Variants in PCDH15 observed in about 807,000 individuals in gnomAD.
The protein encoded by PCDH15 is protocadherin related 15.
Under a neutral mutation model 178.5 loss-of-function variants are expected in PCDH15, and 129 were observed. The ratio of observed to expected loss-of-function variants is 0.72; its 90% CI spans 0.63 to 0.84. The LOEUF (loss-of-function observed/expected upper bound fraction) is 0.84. PCDH15 is among the 40% of genes least tolerant of loss of function. The pLI is 0.00. For missense variants in PCDH15, 2,230 were observed against 2,099.9 expected (o/e 1.06, Z -1.21); for synonymous variants, 800 against 732.0 (o/e 1.09, Z -1.50).
intron 21 of PCDH15, among the ~76,000 whole-genome samples, chr10:53,982,751 C>T (rs2090765679): frequency 6.6e-6 from 1 of 151,406 alleles, no homozygotes; most frequent in African/African-American, 2.4e-5. Flanking sequence ...AGCACACCAG[C>T]ATGGCACATG....
intron 2 of PCDH15, among the ~76,000 whole-genome samples, chr10:55,516,206 C>T (rs754822517): frequency 2.6e-5 from 4 of 151,938 alleles, no homozygotes; most frequent in Non-Finnish European, 5.9e-5. Flanking sequence ...CCCCCCCATA[C>T]CGTTCTCATG....
At chr10:53,945,100 T>A (rs2086421499) in intron 23 of PCDH15, among the ~76,000 whole-genome samples, 1 of 152,230 alleles carries the variant, frequency 6.6e-6, no homozygotes, top group Admixed American at 6.5e-5. Flanking sequence ...ATTTGCATTA[T>A]CCTTACCTTC....
intron 1 of PCDH15, among the ~76,000 whole-genome samples, chr10:55,230,628 C>G (rs748594522): frequency 4.6e-5 from 7 of 152,100 alleles, no homozygotes; most frequent in African/African-American, 1.7e-4. Context: ...GTATATGGAA[C>G]TTACAGAGAC....
At chr10:55,228,375 AG>A (rs1841114256) in intron 1 of PCDH15, among the ~76,000 whole-genome samples, 1 of 152,074 alleles carries the variant, frequency 6.6e-6, no homozygotes, top group African/African-American at 2.4e-5. Context: ...TGTGTGAGCT[AG>A]GAACCAGTAT....
At chr10:55,004,678 GA>G (rs1839880615) in intron 2 of PCDH15, among the ~76,000 whole-genome samples, 1 of 152,098 alleles carries the variant, frequency 6.6e-6, no homozygotes, top group Non-Finnish European at 1.5e-5. Flanking sequence ...CAGTTGAAGA[GA>G]TGGATTTGAG....
At chr10:54,513,050 AC>A (rs1270633852) in intron 3 of PCDH15, among the ~76,000 whole-genome samples, 1 of 152,002 alleles carries the variant, frequency 6.6e-6, no homozygotes, top group African/African-American at 2.4e-5. Flanking sequence ...TTATAAATTT[AC>A]CTGGTTATCT....
At position 54,690,212 on chromosome 10, in the gene PCDH15, A is replaced by C. The variant is rs1047088684; in HGVS notation, c.-28-25922T>G. ...GCTGGTGTTAACCTACTGCACTGCCAGTGTATAAAAATACAGCATATGCAA... is the reference window on the plus strand; with the variant it reads ...GCTGGTGTTAACCTACTGCACTGCCCGTGTATAAAAATACAGCATATGCAA... On this transcript the variant is annotated intron_variant, in intron 1 of 37. Transcript: ENST00000644397. Among the ~76,000 whole-genome samples, 36 of 152,134 alleles carry C rather than the reference A, an allele frequency of 2.4e-4. 1 individual carries two copies. The highest frequency in any genetic ancestry group is 2.6e-4 in the Admixed American group (4 of 15,264).
intron 2 of PCDH15, among the ~76,000 whole-genome samples, chr10:55,553,172 C>A (rs894645461): frequency 1.3e-5 from 2 of 149,868 alleles, no homozygotes; most frequent in Non-Finnish European, 3.0e-5. Flanking sequence ...CTTTCAGCAA[C>A]ATAATTTCAT....
In PCDH15 at chr10:55,093,505, G is replaced by A. The variant is rs950486285; in HGVS notation, c.-80+73071C>T. ...GAATTAGATCCCATTTGTCAATTTCGGCTTTTGTTGCCATTGCTTTTGGTG... is the reference window on the plus strand; with the variant it reads ...GAATTAGATCCCATTTGTCAATTTCAGCTTTTGTTGCCATTGCTTTTGGTG... On this transcript the variant is annotated intron_variant, in intron 2 of 5. Transcript: ENST00000458638. Among the ~76,000 whole-genome samples, 206 of 151,978 alleles carry A rather than the reference G, an allele frequency of 1.4e-3. 3 individuals carry two copies. The highest frequency in any genetic ancestry group is 4.4e-4 in the Non-Finnish European group (30 of 67,962).
intron 5 of PCDH15, among the ~76,000 whole-genome samples, chr10:54,352,498 G>T (rs1944336031): frequency 6.6e-6 from 1 of 152,104 alleles, no homozygotes; most frequent in Admixed American, 6.5e-5. Context: ...CAGGAAAAAT[G>T]GAGAATATCT....
intron 3 of PCDH15, among the ~76,000 whole-genome samples, chr10:54,850,313 T>G (rs1240718019): frequency 6.6e-6 from 1 of 152,156 alleles, no homozygotes; most frequent in Non-Finnish European, 1.5e-5. Flanking sequence ...CCATAGAATT[T>G]GTGGGAACAG....
chr10:54,489,216 C>A (rs974824695), intron 3 of PCDH15, among the ~76,000 whole-genome samples: 1 of 151,968 alleles, frequency 6.6e-6, no homozygotes, highest in Non-Finnish European at 1.5e-5. Context: ...CAAGCCATGA[C>A]CTTTTATTGT....
chr10:53,814,727 A>G (rs541290303), intron 35 of PCDH15, among the ~76,000 whole-genome samples: 1 of 152,250 alleles, frequency 6.6e-6, no homozygotes, highest in African/African-American at 2.4e-5. Context: ...GCACTTTGGG[A>G]GGCCGAGGTG....
rs762843783 is a variant in PCDH15, at chr10:54,757,338, A to AG, written c.-29+43586dup. Among the ~76,000 whole-genome samples the AG allele has an allele frequency of 1.2e-3, 31 of 26,144 alleles. 4 individuals carry two copies. The highest frequency in any genetic ancestry group is 6.4e-3 in the East Asian group (17 of 2,640). 17.2% of individuals were successfully genotyped at this position (26,144 alleles called of 152,430 possible). A position where few individuals can be genotyped will look rare whatever the true frequency, so the allele number is the denominator to read the frequency against. On this transcript the variant is annotated intron_variant, in intron 1 of 37. Transcript: ENST00000644397. The stretch of plus-strand genomic sequence containing the variant: ...CGCTCTGTCGCCCAGGCTGGAGCGC[A>AG]GTGGCGCGATCTCGACTCACTGCAA...
chr10:54,575,652 T>C (rs1462799671), intron 2 of PCDH15, among the ~76,000 whole-genome samples: 1 of 127,486 alleles, frequency 7.8e-6, no homozygotes, highest in Non-Finnish European at 1.7e-5. Context: ...ACAGTGCAGG[T>C]AGATATATTG....
chr10:55,239,628 GC>G (rs949053129), intron 1 of PCDH15, among the ~76,000 whole-genome samples: 3 of 152,018 alleles, frequency 2.0e-5, no homozygotes, highest in Non-Finnish European at 4.4e-5. Context: ...ATTTTTCTGG[GC>G]AAAGATTTCT....
At chr10:54,866,749 C>T (rs1255099611) in intron 3 of PCDH15, among the ~76,000 whole-genome samples, 1 of 150,602 alleles carries the variant, frequency 6.6e-6, no homozygotes, top group African/African-American at 2.4e-5. Flanking sequence ...ATCCCTTTAA[C>T]CTCTAAATAG....
intron 1 of PCDH15, among the ~76,000 whole-genome samples, chr10:55,313,077 G>C (rs1257637451): frequency 6.6e-6 from 1 of 151,906 alleles, no homozygotes; most frequent in Non-Finnish European, 1.5e-5. Flanking sequence ...ATGTACTTAG[G>C]AGTTCCTGTC....
chr10:55,418,836 G>A (rs961344245), intron 2 of PCDH15, among the ~76,000 whole-genome samples: 2 of 151,762 alleles, frequency 1.3e-5, no homozygotes, highest in Admixed American at 1.3e-4. Context: ...TTTTTGAAAT[G>A]TTGGAGGCAA....
Sources: gnomAD v4.1 joint callset for allele counts (sites outside exome capture counted in the v4.1 genomes callset) on GRCh38, gnomAD v4.1.1 for gene constraint, MANE v1.5 for transcripts, NCBI Gene and HGNC (gene_info 2026-07-23, HGNC 2026-07-21) for gene names.